TRPA1: variants seen among roughly 807,000 people sequenced by gnomAD.
TRPA1 encodes ankyrin-like with transmembrane domains 1.
In TRPA1, 129 loss-of-function variants were observed where a neutral mutation model predicts 131.3. The observed-to-expected ratio is 0.98, with a 90% CI of 0.85 to 1.14. TRPA1 has a LOEUF of 1.14. TRPA1 is among the 50% of genes most tolerant of loss of function. TRPA1 has a pLI of 0.00. For missense variants in TRPA1, 1,304 were observed against 1,354.2 expected (o/e 0.96, Z 0.58); for synonymous variants, 441 against 451.7 (o/e 0.98, Z 0.30).
chr8:72,071,569 G>A, intron 2 of TRPA1, 142 bp downstream of exon 2: 2 of 934,594 alleles, frequency 2.1e-6, no homozygotes, highest in South Asian at 1.6e-5. Context: ...CTGGTGTGTA[G>A]GAAAACCCAC....
intron 24 of TRPA1, among the ~76,000 whole-genome samples, chr8:72,028,870 A>T (rs1296360858): frequency 6.6e-6 from 1 of 152,228 alleles, no homozygotes; most frequent in Admixed American, 6.5e-5. Context: ...GGACAAATAA[A>T]AGTGAAGAGG....
intron 3 of TRPA1, 64 bp downstream of exon 3, chr8:72,068,959 C>T: frequency 1.3e-6 from 2 of 1,568,100 alleles, no homozygotes; most frequent in Admixed American, 1.7e-5. Context: ...GCAGAGAGAG[C>T]TGGATCTGGG....
intron 7 of TRPA1, among the ~76,000 whole-genome samples, chr8:72,059,799 T>C (rs1312890164): frequency 6.6e-6 from 1 of 152,194 alleles, no homozygotes; most frequent in Non-Finnish European, 1.5e-5. Context: ...ATAGAACAGC[T>C]ACATGTAAGG....
rs1238557202 is a variant in TRPA1, at chr8:72,033,628, AG to A, written c.2868+15del. 4.5e-5 allele frequency: 72 copies of A among 1,606,652 alleles called. No homozygotes were observed. Among genetic ancestry groups the A allele is most frequent in the Non-Finnish European group, 5.8e-5 (68 of 1,174,914 alleles). On this transcript the variant is annotated intron_variant, in intron 23 of 26. Coordinates refer to ENST00000262209, the MANE Select transcript of TRPA1 (RefSeq NM_007332.3). The stretch of plus-strand genomic sequence containing the variant: ...AAATGATCAACAAACAGAAAATATA[AG>A]AAAAAACTACTTACAAGTAAATTCA...
intron 7 of TRPA1, among the ~76,000 whole-genome samples, chr8:72,060,683 G>A (rs1805786319): frequency 6.6e-6 from 1 of 151,610 alleles, no homozygotes; most frequent in South Asian, 2.1e-4. Context: ...TATTTTCTTG[G>A]AAGTAAATTT....
chr8:72,058,142 A>G (rs776427826), intron 8 of TRPA1, among the ~76,000 whole-genome samples: 7 of 152,296 alleles, frequency 4.6e-5, no homozygotes, highest in Non-Finnish European at 1.0e-4. Flanking sequence ...TTCCACTGCA[A>G]GAAATAATTT....
intron 1 of TRPA1, among the ~76,000 whole-genome samples, chr8:72,075,053 G>A (rs1215694195): frequency 6.6e-6 from 1 of 152,186 alleles, no homozygotes; most frequent in Non-Finnish European, 1.5e-5. Flanking sequence ...TTTTTGAGTA[G>A]GTTTCCCTGG....
chr8:72,073,595 C>A (rs1806112052), intron 1 of TRPA1, among the ~76,000 whole-genome samples: 1 of 152,164 alleles, frequency 6.6e-6, no homozygotes, highest in African/African-American at 2.4e-5. Context: ...ATCCTTCAAT[C>A]TACAAACTCT....
chr8:72,021,797 A>T lies in TRPA1; in HGVS notation c.*1109T>A, dbSNP rs7827617. 6.6e-6 allele frequency: 1 copy of T among 152,162 alleles called. No individual in the cohort carries two copies. Among genetic ancestry groups the T allele is most frequent in the Admixed American group, 6.5e-5 (1 of 15,282 alleles). 9.4% of individuals were successfully genotyped at this position (152,162 alleles called of 1,614,324 possible). A position where few individuals can be genotyped will look rare whatever the true frequency, so the allele number is the denominator to read the frequency against. ...GTATCTTGTAAACATCATGTCCAGT[A>T]AAAAGGAGTAACAAATAGAAATGAG... is the stretch of plus-strand genomic sequence containing the variant. On this transcript the variant is annotated 3_prime_UTR_variant, in exon 27 of 27. Coordinates refer to ENST00000262209, the MANE Select transcript of TRPA1 (RefSeq NM_007332.3).
chr8:72,069,151 C>T lies in TRPA1; in HGVS notation c.316G>A (p.Val106Ile), dbSNP rs1805998703. The change falls in exon 3 of 27, where the codon GTA becomes ATA. Residue 106 changes from valine (V) to isoleucine (I), a missense_variant. Coordinates refer to ENST00000262209, the MANE Select transcript of TRPA1 (RefSeq NM_007332.3). Reference sequence around the variant, plus strand: ...ACGCTTTCAATTTGGTTTTTTTCTACAGCACAATGCAGAGGGGTATTTCCA... The same window carrying T: ...ACGCTTTCAATTTGGTTTTTTTCTATAGCACAATGCAGAGGGGTATTTCCA... Reference protein sequence around the residue: ...DYGNTPLHCAVEKNQIESVKF... With the variant: ...DYGNTPLHCAIEKNQIESVKF... 2 of 1,614,076 alleles carry T rather than the reference C, an allele frequency of 1.2e-6. No individual in the cohort carries two copies. Among genetic ancestry groups the T allele is most frequent in the African/African-American group, 2.7e-5 (2 of 74,922 alleles).
chr8:72,070,215 T>C (rs1043045097), intron 2 of TRPA1, among the ~76,000 whole-genome samples: 2 of 152,238 alleles, frequency 1.3e-5, no homozygotes, highest in African/African-American at 4.8e-5. Context: ...GGAGACCATC[T>C]ACGGTACATG....
In TRPA1 at chr8:72,061,632, G is replaced by A; in HGVS notation, c.937C>T (p.Leu313Phe). The A allele has an allele frequency of 6.2e-7, 1 of 1,613,956 alleles. No homozygotes were observed. The highest frequency in any genetic ancestry group is 8.5e-7 in the Non-Finnish European group (1 of 1,179,918). Residue 313 changes from leucine to phenylalanine, a missense_variant, in exon 7 of 27, where the codon CTT becomes TTT. By Grantham distance (22) the Leu-to-Phe change is conservative (BLOSUM62 0). Transcript: ENST00000262209. ...NTTDGCHETM[L>F]HRASLFDHHE... ...GATAGGTAGGAAACTTGCCTGTGAA[G>A]CATGGTCTCATGACATCCATCGGTT...
rs1463695573 is a variant in TRPA1 at position 72,033,504 on chromosome 8, TGA to T, written c.2868+138_2868+139del. On this transcript the variant is annotated intron_variant, in intron 23 of 26. Coordinates refer to ENST00000262209, the MANE Select transcript of TRPA1 (RefSeq NM_007332.3). ...TGCCTGGTGCTCCCCAGGCACCAAG[TGA>T]GTGTTGAACGAATAGATTTTGTAGT... is the stretch of plus-strand genomic sequence containing the variant. 17 of 815,060 alleles carry T rather than the reference TGA, an allele frequency of 2.1e-5. No individual in the cohort carries two copies. In the Middle Eastern group the frequency reaches 1.5e-3, roughly 73 times the overall value. The allele number at this position is 815,060 out of a possible 1,614,324, so 50.5% of individuals were successfully genotyped here.
chr8:72,070,437 G>A (rs1287528217), intron 2 of TRPA1, among the ~76,000 whole-genome samples: 1 of 152,108 alleles, frequency 6.6e-6, no homozygotes, highest in African/African-American at 2.4e-5. Flanking sequence ...CTTAAACAGG[G>A]ATCTATACTT....
intron 24 of TRPA1, 110 bp downstream of exon 24, chr8:72,029,791 A>T (rs981044358): frequency 9.9e-7 from 1 of 1,011,614 alleles, no homozygotes; most frequent in Admixed American, 2.0e-5. Flanking sequence ...GTATAAATTT[A>T]TAACTGGCAT....
chr8:72,089,818 C>G, the TRPA1 span, among the ~76,000 whole-genome samples: 1 of 151,976 alleles, frequency 6.6e-6, no homozygotes, highest in African/African-American at 2.4e-5. Flanking sequence ...AACTGGCATT[C>G]AGATGTATAT....
intron 21 of TRPA1, among the ~76,000 whole-genome samples, chr8:72,034,693 C>G (rs1213390743): frequency 6.6e-6 from 1 of 152,202 alleles, no homozygotes; most frequent in East Asian, 1.9e-4. Flanking sequence ...GTCCCAGGCT[C>G]AGGTGATCCT....
chr8:72,050,658 T>C, intron 15 of TRPA1, 120 bp downstream of exon 15: 1 of 727,224 alleles, frequency 1.4e-6, no homozygotes, highest in Admixed American at 2.1e-5. Flanking sequence ...CTCATTTCCC[T>C]TACAGCCTAT....
chr8:72,036,480 A>G (rs1322564904), intron 20 of TRPA1, 23 bp from the exon 21 acceptor site: 8 of 1,601,004 alleles, frequency 5.0e-6, no homozygotes, highest in Non-Finnish European at 6.8e-6. Context: ...AGAATAAAAA[A>G]TTACCACATA....
Sources: gnomAD v4.1 joint callset for allele counts (sites outside exome capture counted in the v4.1 genomes callset) on GRCh38, gnomAD v4.1.1 for gene constraint, MANE v1.5 for transcripts, NCBI Gene and HGNC (gene_info 2026-07-23, HGNC 2026-07-21) for gene names.